BCR: variants seen among roughly 807,000 people sequenced by gnomAD.
BCR encodes BCR activator of RhoGEF and GTPase.
Under a neutral mutation model 138.6 loss-of-function variants are expected in BCR, and 58 were observed. That is an observed-to-expected ratio of 0.42 (90% CI 0.34 to 0.52). The LOEUF is 0.52. Among genes scored for constraint, BCR ranks in the 20% least tolerant of loss-of-function variants. The pLI, the probability that BCR is intolerant of heterozygous loss-of-function variation, is 0.06. For missense variants in BCR, 1,599 were observed against 1,727.2 expected, an observed-to-expected ratio of 0.93 and a Z score of 1.32; for synonymous variants, 786 against 730.1, an observed-to-expected ratio of 1.08 and a Z score of -1.23.
In BCR at chr22:23,317,343, T is replaced by C; in HGVS notation, c.*1821T>C. 5.4e-6 allele frequency: 1 copy of C among 184,148 alleles called. No homozygotes were observed. The highest frequency in any genetic ancestry group is 1.1e-5 in the Non-Finnish European group (1 of 95,136). The allele number at this position is 184,148 out of a possible 1,614,324, so 11.4% of individuals were successfully genotyped here. A position where few individuals can be genotyped will look rare whatever the true frequency, so the allele number is the denominator to read the frequency against. ...TTACAAGCAGTGTCACCGTCGTGGG[T>C]GGCGAGGACAGAACAGGAGCCTCTG... On this transcript the variant is annotated 3_prime_UTR_variant, in exon 23 of 23. Coordinates refer to ENST00000305877, the MANE Select transcript of BCR (RefSeq NM_004327.4).
Position 23,313,295 on chromosome 22 carries a change from T to G in BCR, c.3457+274T>G, listed in dbSNP as rs543817432. 6.6e-5 allele frequency among the ~76,000 whole-genome samples: 10 copies of G among 152,282 alleles called. No homozygotes were observed. In the South Asian group the frequency reaches 1.9e-3, roughly 28 times the overall value. ...TGCTGTGGGGTCCTAAAGTCTGCTG[T>G]CCTCCTTCCTGCAGACCAGGGCTGA... On this transcript the variant is annotated intron_variant, in intron 20 of 22. Coordinates refer to ENST00000305877, the MANE Select transcript of BCR (RefSeq NM_004327.4).
chr22:23,295,322 A>G lies in BCR; in HGVS notation c.3012+167A>G, dbSNP rs996492803. ...GAGACCTGAGCCGGTGCCTGCATGT[A>G]TCTTGATGGGTCTTGACGTACCACC... On this transcript the variant is annotated intron_variant, in intron 16 of 22. Transcript: ENST00000305877. Among the ~76,000 whole-genome samples, 5 of 152,036 alleles carry G rather than the reference A, an allele frequency of 3.3e-5. No homozygotes were observed. The East Asian group carries it at 7.7e-4, about 23-fold the overall frequency.
At chr22:23,296,730 C>G in intron 16 of BCR, among the ~76,000 whole-genome samples, 1 of 152,184 alleles carries the variant, frequency 6.6e-6, no homozygotes, top group Non-Finnish European at 1.5e-5. Flanking sequence ...TTGCTTGAGC[C>G]CAGCTATTCA....
chr22:23,269,094 C>T (rs1382473870), intron 5 of BCR, among the ~76,000 whole-genome samples: 2 of 152,258 alleles, frequency 1.3e-5, no homozygotes, highest in African/African-American at 4.8e-5. Flanking sequence ...AAGCTGAAAC[C>T]TCAAACCATG....
chr22:23,255,786 TC>T (rs1032747813), intron 2 of BCR, among the ~76,000 whole-genome samples: 1 of 152,184 alleles, frequency 6.6e-6, no homozygotes, highest in Admixed American at 6.5e-5. Context: ...CGACCCCTGC[TC>T]CCTGCTTCTG....
intron 1 of BCR, among the ~76,000 whole-genome samples, chr22:23,249,435 A>G (rs2073197393): frequency 6.6e-6 from 1 of 151,402 alleles, no homozygotes; most frequent in Non-Finnish European, 1.5e-5. Flanking sequence ...CTGTCTCAAA[A>G]AAAAAAAAAA....
intron 8 of BCR, among the ~76,000 whole-genome samples, chr22:23,280,785 T>C (rs11913665): frequency 0.23 from 35,426 of 152,158 alleles, 4,506 homozygotes; most frequent in Middle Eastern, 0.3. Context: ...CCAACTGGTG[T>C]TTCCCACCTG....
At chr22:23,212,993 T>C (rs1411410867) in intron 1 of BCR, among the ~76,000 whole-genome samples, 1 of 152,226 alleles carries the variant, frequency 6.6e-6, no homozygotes, top group East Asian at 1.9e-4. Context: ...GGACAAGGAC[T>C]GGCAATCAGA....
Position 23,292,726 on chromosome 22 carries a change from C to G in BCR, c.2880+88C>G, listed in dbSNP as rs951494071. On this transcript the variant is annotated intron_variant, in intron 15 of 22. Coordinates refer to ENST00000305877, the MANE Select transcript of BCR (RefSeq NM_004327.4). The stretch of plus-strand genomic sequence containing the variant: ...AGATAATCTAAACCTTCAGGGGCTC[C>G]CTGAGGGCTTCCCCCGAAGGCAGTG... 3 of 1,160,642 alleles carry G rather than the reference C, an allele frequency of 2.6e-6. No homozygotes were observed. In the African/African-American group the frequency reaches 4.7e-5, roughly 18 times the overall value. The allele number at this position is 1,160,642 out of a possible 1,614,324, so 71.9% of individuals were successfully genotyped here. A position where few individuals can be genotyped will look rare whatever the true frequency, so the allele number is the denominator to read the frequency against.
rs115189892 is a variant in BCR at position 23,264,149 on chromosome 22, G to A, written c.1752+2609G>A. On this transcript the variant is annotated intron_variant, in intron 4 of 22. Coordinates refer to ENST00000305877, the MANE Select transcript of BCR (RefSeq NM_004327.4). ...CCCACAACAGCACCCTGTACTGCCT[G>A]CAGACAGATGGCAACCACTTGCTTG... The A allele has an allele frequency of 2.0e-3, 3,093 of 1,516,066 alleles. 50 individuals carry two copies. In the African/African-American group the frequency reaches 0.038, roughly 19 times the overall value. 93.9% of individuals were successfully genotyped at this position (1,516,066 alleles called of 1,614,324 possible). A position where few individuals can be genotyped will look rare whatever the true frequency, so the allele number is the denominator to read the frequency against.
intron 4 of BCR, chr22:23,262,793 A>G (rs1006946049): frequency 1.9e-5 from 19 of 974,524 alleles, no homozygotes; most frequent in Non-Finnish European, 2.2e-5. Flanking sequence ...GAAGGGGAAG[A>G]GGAAGGGAAA....
At chr22:23,217,781 C>T (rs544898180) in intron 1 of BCR, among the ~76,000 whole-genome samples, 8 of 152,292 alleles carry the variant, frequency 5.3e-5, no homozygotes, top group Non-Finnish European at 1.0e-4. Context: ...CATGGGAAAC[C>T]GCACTTTGCC....
chr22:23,293,582 C>A lies in BCR; in HGVS notation c.2880+944C>A, dbSNP rs1454685892. On this transcript the variant is annotated intron_variant, in intron 15 of 22. Transcript: ENST00000305877. ...AGGGGGTATAAGAGCCACAGGGGAT[C>A]CATCGAAGAAGCCTTTGCAGAGACC... Among the ~76,000 whole-genome samples, 5 of 152,226 alleles carry A rather than the reference C, an allele frequency of 3.3e-5. No homozygotes were observed. In the East Asian group the frequency reaches 9.6e-4, roughly 29 times the overall value.
intron 16 of BCR, among the ~76,000 whole-genome samples, chr22:23,304,023 TC>T: frequency 6.7e-6 from 1 of 149,590 alleles, no homozygotes. Context: ...AACCTTGATG[TC>T]CCAGGCTCAA....
chr22:23,286,065 C>T (rs1281507798), intron 10 of BCR, among the ~76,000 whole-genome samples: 2 of 152,158 alleles, frequency 1.3e-5, no homozygotes, highest in Non-Finnish European at 2.9e-5. Context: ...ACTGAGTCAC[C>T]AGAGAGAAAG....
At chr22:23,248,958 T>C (rs2073189293) in intron 1 of BCR, among the ~76,000 whole-genome samples, 1 of 152,146 alleles carries the variant, frequency 6.6e-6, no homozygotes, top group Non-Finnish European at 1.5e-5. Context: ...ATGGTGGCTT[T>C]CAAAATGCCA....
At position 23,181,718 on chromosome 22, in the gene BCR, C is replaced by G. The variant is rs752884976; in HGVS notation, c.758C>G (p.Pro253Arg). ...DGDYEDAELN[P>R]RFLKDNLIDA... Reference sequence around the variant, plus strand: ...GACTACGAGGACGCCGAGTTGAACCCCCGCTTCCTGAAGGACAACCTGATC... The same window carrying G: ...GACTACGAGGACGCCGAGTTGAACCGCCGCTTCCTGAAGGACAACCTGATC... Residue 253 changes from proline to arginine, a missense_variant, in exon 1 of 23, where the codon CCC becomes CGC. By Grantham distance (103) the Pro-to-Arg change is moderately radical. Coordinates refer to ENST00000305877, the MANE Select transcript of BCR (RefSeq NM_004327.4). 10 of 1,603,844 alleles carry G rather than the reference C, an allele frequency of 6.2e-6. No homozygotes were observed. In the Admixed American group the frequency reaches 1.3e-4, roughly 21 times the overall value.
At chr22:23,296,373 CAAA>C (rs996139532) in intron 16 of BCR, among the ~76,000 whole-genome samples, 5 of 56,692 alleles carry the variant, frequency 8.8e-5, no homozygotes, top group South Asian at 6.1e-4. Flanking sequence ...GAGTCCGTCT[CAAA>C]AAAAAAAAAA....
intron 1 of BCR, among the ~76,000 whole-genome samples, chr22:23,184,698 A>C (rs1418583691): frequency 6.6e-6 from 1 of 152,084 alleles, no homozygotes; most frequent in Non-Finnish European, 1.5e-5. Flanking sequence ...ACAGTCTATG[A>C]GTTTGGATCC....
Sources: gnomAD v4.1 joint callset for allele counts (sites outside exome capture counted in the v4.1 genomes callset) on GRCh38, gnomAD v4.1.1 for gene constraint, MANE v1.5 for transcripts, NCBI Gene and HGNC (gene_info 2026-07-23, HGNC 2026-07-21) for gene names.